The following MACROD2 variants were observed in gnomAD, a reference collection of about 807,000 sequenced individuals.
MACROD2 encodes the protein mono-ADP ribosylhydrolase 2.
MACROD2 carries 36 observed loss-of-function variants against 70.4 expected under a neutral mutation model. The observed-to-expected ratio is 0.51, with a 90% confidence interval of 0.39 to 0.68. The LOEUF is 0.68. Ranked by LOEUF, MACROD2 falls within the 30% of genes least tolerant of loss-of-function variation. The probability of loss-of-function intolerance (pLI) is 0.00; values close to 1 mark genes in which losing one functional copy is unlikely to be tolerated. For missense variants in MACROD2, 496 were observed against 538.4 expected (o/e 0.92, Z 0.78); for synonymous variants, 172 against 178.8 (o/e 0.96, Z 0.30).
At chr20:15,589,189 C>G (rs1400953689) in intron 8 of MACROD2, among the ~76,000 whole-genome samples, 1 of 152,168 alleles carries the variant, frequency 6.6e-6, no homozygotes, top group Non-Finnish European at 1.5e-5. Flanking sequence ...TCTCCTGAGA[C>G]TTATTCACTA....
chr20:15,350,702 G>C (rs1248007871), intron 6 of MACROD2, among the ~76,000 whole-genome samples: 2 of 152,078 alleles, frequency 1.3e-5, no homozygotes, highest in Non-Finnish European at 2.9e-5. Flanking sequence ...AGGACAACAT[G>C]TTAAAATATT....
chr20:14,124,275 T>G (rs2054619353), intron 3 of MACROD2, among the ~76,000 whole-genome samples: 1 of 152,194 alleles, frequency 6.6e-6, no homozygotes, highest in Admixed American at 6.5e-5. Context: ...GAATTGAAAC[T>G]TCATTATTTC....
chr20:14,608,429 T>C (rs1425026188), intron 4 of MACROD2, among the ~76,000 whole-genome samples: 1 of 152,184 alleles, frequency 6.6e-6, no homozygotes, highest in Non-Finnish European at 1.5e-5. Flanking sequence ...AAAAAGGCAT[T>C]TCTCATTCCA....
intron 3 of MACROD2, among the ~76,000 whole-genome samples, chr20:14,108,041 A>G (rs1281242620): frequency 6.6e-6 from 1 of 152,166 alleles, no homozygotes; most frequent in Non-Finnish European, 1.5e-5. Flanking sequence ...ACCAATCAAA[A>G]ATAAGTACAA....
At chr20:15,182,023 A>C (rs2076504508) in intron 5 of MACROD2, among the ~76,000 whole-genome samples, 1 of 152,156 alleles carries the variant, frequency 6.6e-6, no homozygotes, top group African/African-American at 2.4e-5. Context: ...ATACCCCTAG[A>C]GTACAGGACC....
At chr20:14,174,430 A>T (rs546631207) in intron 3 of MACROD2, among the ~76,000 whole-genome samples, 1 of 152,204 alleles carries the variant, frequency 6.6e-6, no homozygotes, top group East Asian at 1.9e-4. Context: ...TGTAACATGC[A>T]TGTTTCCAGG....
chr20:14,253,195 G>A (rs757778454), intron 3 of MACROD2, among the ~76,000 whole-genome samples: 64 of 152,002 alleles, frequency 4.2e-4, no homozygotes, highest in Non-Finnish European at 2.1e-4. Flanking sequence ...TTTGTGAAAA[G>A]CATTTCAGAG....
At chr20:14,753,900 ATT>A (rs1291263842) in intron 5 of MACROD2, among the ~76,000 whole-genome samples, 1 of 152,084 alleles carries the variant, frequency 6.6e-6, no homozygotes, top group African/African-American at 2.4e-5. Context: ...CCATGTCCAA[ATT>A]TTTGTTTCAT....
At chr20:15,618,957 G>A (rs1475651067) in intron 8 of MACROD2, among the ~76,000 whole-genome samples, 1 of 152,184 alleles carries the variant, frequency 6.6e-6, no homozygotes, top group African/African-American at 2.4e-5. Context: ...AGTCAAGAGT[G>A]CTGATTGGTT....
chr20:15,572,893 T>C (rs1312351669), intron 8 of MACROD2, among the ~76,000 whole-genome samples: 10 of 152,136 alleles, frequency 6.6e-5, no homozygotes, highest in Non-Finnish European at 1.5e-5. Context: ...AAATCAATTT[T>C]TAACTACAGA....
intron 3 of MACROD2, among the ~76,000 whole-genome samples, chr20:14,261,444 C>A (rs1417918384): frequency 6.6e-6 from 1 of 152,104 alleles, no homozygotes; most frequent in Non-Finnish European, 1.5e-5. Flanking sequence ...TACTTTATAT[C>A]ATCTCTTTTG....
chr20:15,378,941 G>C (rs777834017), intron 6 of MACROD2, among the ~76,000 whole-genome samples: 1 of 152,154 alleles, frequency 6.6e-6, no homozygotes, highest in Non-Finnish European at 1.5e-5. Context: ...GTGCTTAGCT[G>C]CCACTGAGGC....
At chr20:15,738,856 A>G (rs986737056) in intron 8 of MACROD2, among the ~76,000 whole-genome samples, 8 of 152,138 alleles carry the variant, frequency 5.3e-5, no homozygotes, top group African/African-American at 1.9e-4. Flanking sequence ...GAGGAGAGCT[A>G]TCAACCCCAG....
chr20:15,551,868 CA>C (rs5840671), intron 8 of MACROD2, among the ~76,000 whole-genome samples: 10,035 of 121,654 alleles, frequency 0.082, 331 homozygotes, highest in Non-Finnish European at 0.1. Flanking sequence ...GACCCTGCCT[CA>C]AAAAAAAAAA....
chr20:15,461,789 C>A (rs1357054123), intron 7 of MACROD2, among the ~76,000 whole-genome samples: 2 of 152,146 alleles, frequency 1.3e-5, no homozygotes, highest in African/African-American at 2.4e-5. Context: ...TGACAAGCCA[C>A]CCAGAAACTT....
chr20:15,818,437 T>C (rs765177395), intron 8 of MACROD2, among the ~76,000 whole-genome samples: 1 of 152,178 alleles, frequency 6.6e-6, no homozygotes. Flanking sequence ...TAAACTGTCA[T>C]GGCACTGATG....
At chr20:14,950,298 G>T (rs866395439) in intron 5 of MACROD2, among the ~76,000 whole-genome samples, 1 of 152,030 alleles carries the variant, frequency 6.6e-6, no homozygotes, top group African/African-American at 2.4e-5. Flanking sequence ...GTTCATTAGG[G>T]ACCACATTAT....
chr20:15,780,043 T>TA lies in MACROD2; in HGVS notation c.646-82694dup, dbSNP rs201441639. Among the ~76,000 whole-genome samples, 619 of 148,176 alleles carry TA rather than the reference T, an allele frequency of 4.2e-3. 6 individuals are homozygous for TA. The highest frequency in any genetic ancestry group is 7.3e-3 in the South Asian group (35 of 4,768). ...ATTACCTCTTTGTAAATCATATTAT[T>TA]AAAAAAAACACACATCTGTCTTCTC... On this transcript the variant is annotated intron_variant, in intron 8 of 17. Transcript: ENST00000684519.
At chr20:14,627,501 C>A (rs536546966) in intron 4 of MACROD2, among the ~76,000 whole-genome samples, 5 of 152,138 alleles carry the variant, frequency 3.3e-5, no homozygotes, top group African/African-American at 4.8e-5. Flanking sequence ...CAGTTCAATC[C>A]CGTTTCTCTC....
Sources: allele counts gnomAD v4.1 joint callset (sites outside exome capture counted in the v4.1 genomes callset), GRCh38; gene constraint gnomAD v4.1.1; transcripts MANE v1.5; gene names NCBI Gene and HGNC (gene_info 2026-07-23, HGNC 2026-07-21).